Variants in JCAD observed in about 807,000 individuals in gnomAD.
JCAD encodes junctional cadherin 5 associated.
In JCAD, 40 loss-of-function variants were observed where a neutral mutation model predicts 98.0. The ratio of observed to expected loss-of-function variants is 0.41; its 90% CI spans 0.32 to 0.53. The LOEUF (loss-of-function observed/expected upper bound fraction) is 0.53. JCAD is among the 20% of genes least tolerant of loss of function. The pLI is 0.31. For synonymous variants in JCAD, 691 were observed against 682.3 expected (o/e 1.01, Z -0.20); for missense variants, 1,705 against 1,738.1 (o/e 0.98, Z 0.34).
At chr10:30,040,083 A>G (rs1234318187) in intron 2 of JCAD, among the ~76,000 whole-genome samples, 2 of 152,192 alleles carry the variant, frequency 1.3e-5, no homozygotes, top group Non-Finnish European at 2.9e-5. Flanking sequence ...GCACACAGGA[A>G]AGGGTGAAGA....
chr10:30,048,228 G>A (rs1384812388), intron 1 of JCAD, among the ~76,000 whole-genome samples: 5 of 151,772 alleles, frequency 3.3e-5, no homozygotes, highest in African/African-American at 7.3e-5. Flanking sequence ...GAAGGAGTGC[G>A]GACAAAAAAA....
chr10:30,093,974 T>C (rs540312168), intron 1 of JCAD, among the ~76,000 whole-genome samples: 3 of 152,352 alleles, frequency 2.0e-5, no homozygotes, highest in African/African-American at 4.8e-5. Context: ...GGGGCCTTCA[T>C]GGGATTCTGT....
At position 30,033,493 on chromosome 10, in the gene JCAD, G is replaced by A. The variant is rs561530946; in HGVS notation, c.282-3627C>T. Among the ~76,000 whole-genome samples the A allele has an allele frequency of 3.0e-4, 46 of 152,260 alleles. No homozygotes were observed. In the Middle Eastern group the frequency reaches 0.01, roughly 34 times the overall value. ...TATCCAATTTATAGTCCCTCCTGTC[G>A]TGCAGAGGAGAGCCGGTCTTGCTGA... On this transcript the variant is annotated intron_variant, in intron 2 of 3. Transcript: ENST00000375377.
intron 2 of JCAD, among the ~76,000 whole-genome samples, chr10:30,068,054 A>T (rs1837815282): frequency 6.6e-6 from 1 of 152,178 alleles, no homozygotes; most frequent in Non-Finnish European, 1.5e-5. Flanking sequence ...GGTTGGCTGA[A>T]GTATTATGCA....
intron 1 of JCAD, among the ~76,000 whole-genome samples, chr10:30,075,973 C>A (rs1837973890): frequency 6.6e-6 from 1 of 152,034 alleles, no homozygotes; most frequent in Admixed American, 6.6e-5. Context: ...TAGCCTGATG[C>A]TTCCTGAGGC....
intron 2 of JCAD, among the ~76,000 whole-genome samples, chr10:30,040,182 A>G (rs1837212319): frequency 6.6e-6 from 1 of 152,176 alleles, no homozygotes; most frequent in South Asian, 2.1e-4. Flanking sequence ...AATGCCAGGA[A>G]AGAGTGACGT....
chr10:30,030,478 G>C (rs189973783), intron 2 of JCAD, among the ~76,000 whole-genome samples: 1 of 152,152 alleles, frequency 6.6e-6, no homozygotes, highest in Non-Finnish European at 1.5e-5. Flanking sequence ...AGGGTTAACT[G>C]TTCAGTAGTA....
rs557618941 is a variant in JCAD at position 30,101,044 on chromosome 10, A to G, written n.128+14323T>C. ...AACGAGTTATGGAGATCAAGGTTTT[A>G]TCATGCAGAGGAAGCCTTCAGGTAG... On this transcript the variant is annotated intron_variant and non_coding_transcript_variant, in intron 1 of 2. Coordinates refer to the JCAD transcript ENST00000465712. Among the ~76,000 whole-genome samples the G allele has an allele frequency of 4.9e-3, 739 of 152,326 alleles. 9 individuals are homozygous for G. The highest frequency in any genetic ancestry group is 0.017 in the African/African-American group (712 of 41,582).
chr10:30,100,675 G>T (rs921206203), intron 1 of JCAD, among the ~76,000 whole-genome samples: 1 of 152,080 alleles, frequency 6.6e-6, no homozygotes, highest in East Asian at 1.9e-4. Flanking sequence ...TGAGCCACCC[G>T]ACCCTGGCCT....
chr10:30,027,437 C>T lies in JCAD; in HGVS notation c.2711G>A (p.Cys904Tyr). Reference sequence around the variant, plus strand: ...CTTACTCTCACCTCTTCCCGACCTACACACAGGGCTCTCCGGCACCCACAT... The same window carrying T: ...CTTACTCTCACCTCTTCCCGACCTATACACAGGGCTCTCCGGCACCCACAT... ...PRMWVPESPV[C>Y]RSGRGESKSE... is the part of the protein sequence containing the mutation. Residue 904 changes from cysteine to tyrosine, a missense_variant, in exon 3 of 4, where the codon TGT (cysteine) becomes TAT (tyrosine). Physicochemically the swap from Cys to Tyr is radical, Grantham distance 194. Around this residue, in one of 3 missense-constraint regions of JCAD, gnomAD observed 1,278 missense variants for 1,243.1 expected, o/e 1.03. Transcript: ENST00000375377. 4 of 1,604,712 alleles carry T rather than the reference C, an allele frequency of 2.5e-6. No individual in the cohort carries two copies. Among genetic ancestry groups the T allele is most frequent in the Non-Finnish European group, 3.4e-6 (4 of 1,179,998 alleles).
intron 2 of JCAD, among the ~76,000 whole-genome samples, chr10:30,039,784 G>A (rs1465509279): frequency 2.6e-5 from 4 of 152,084 alleles, no homozygotes; most frequent in African/African-American, 9.7e-5. Flanking sequence ...GAGGGGCGGC[G>A]TGGGTTTAAA....
intron 1 of JCAD, among the ~76,000 whole-genome samples, chr10:30,080,194 C>T (rs1838058348): frequency 1.3e-5 from 2 of 152,148 alleles, no homozygotes; most frequent in Non-Finnish European, 2.9e-5. Context: ...CTTAGAAGAA[C>T]TACCAAGTTT....
rs1244828404 is a variant in JCAD, at chr10:30,028,451, C to T, written c.1697G>A (p.Arg566Gln). Reference sequence around the variant, plus strand: ...TTTTTTCTTTGAACTTTTCTTGGTCCGAGTCCCAGTTTGGAACTTTTTGAG... The same window carrying T: ...TTTTTTCTTTGAACTTTTCTTGGTCTGAGTCCCAGTTTGGAACTTTTTGAG... ...TKLKKFQTGT[R>Q]TKKSSKKKMN... The change falls in exon 3 of 4, where the codon CGG (arginine) becomes CAG (glutamine). Residue 566 changes from arginine (R) to glutamine (Q), a missense_variant. By Grantham distance (43) the Arg-to-Gln change is conservative. Coordinates refer to ENST00000375377, the MANE Select transcript of JCAD (RefSeq NM_020848.4). 14 of 1,614,052 alleles carry T rather than the reference C, an allele frequency of 8.7e-6. No homozygotes were observed. The East Asian group carries it at 8.9e-5, about 10-fold the overall frequency.
intron 2 of JCAD, among the ~76,000 whole-genome samples, chr10:30,036,264 T>C (rs2132628719): frequency 6.6e-6 from 1 of 151,814 alleles, no homozygotes; most frequent in East Asian, 1.9e-4. Context: ...ACCAACACGG[T>C]GAATGAAACC....
intron 1 of JCAD, among the ~76,000 whole-genome samples, chr10:30,075,107 G>T (rs962697078): frequency 1.3e-5 from 2 of 152,144 alleles, no homozygotes; most frequent in African/African-American, 4.8e-5. Flanking sequence ...TTTTTGAAGG[G>T]TTTAATTATT....
At chr10:30,109,965 C>A (rs1216489804) in intron 1 of JCAD, among the ~76,000 whole-genome samples, 4 of 151,890 alleles carry the variant, frequency 2.6e-5, no homozygotes, top group African/African-American at 7.3e-5. Flanking sequence ...CATGTATGGA[C>A]CCCCTGATAT....
chr10:30,091,474 A>T (rs1434309696), intron 1 of JCAD, among the ~76,000 whole-genome samples: 1 of 152,150 alleles, frequency 6.6e-6, no homozygotes, highest in Non-Finnish European at 1.5e-5. Context: ...TATGTTGGCC[A>T]GACTGGTCTT....
intron 2 of JCAD, among the ~76,000 whole-genome samples, chr10:30,045,741 C>T (rs11007872): frequency 0.057 from 8,684 of 152,194 alleles, 668 homozygotes; most frequent in African/African-American, 0.18. Context: ...GAAAGAGAAA[C>T]AGCTTCCAGC....
At position 30,029,774 on chromosome 10, in the gene JCAD, C is replaced by T; in HGVS notation, c.374G>A (p.Ser125Asn). The T allele has an allele frequency of 6.2e-7, 1 of 1,614,270 alleles. No homozygotes were observed. ...YRRRGRQEAR[S>N]QKPREHENLE... ...GTTTTCGTGCTCCCTCGGCTTCTGG[C>T]TCCTGGCTTCTTGCCGTCCTCTTCT... Residue 125 changes from serine to asparagine, a missense_variant, in exon 3 of 4, where the codon AGC becomes AAC. Ser to Asn is a conservative substitution (Grantham distance 46). Coordinates refer to ENST00000375377, the MANE Select transcript of JCAD (RefSeq NM_020848.4).
Sources: gnomAD v4.1 joint callset for allele counts (sites outside exome capture counted in the v4.1 genomes callset) on GRCh38, gnomAD v4.1.1 for gene constraint, gnomAD v4.1.1 regional missense constraint, MANE v1.5 for transcripts, NCBI Gene and HGNC (gene_info 2026-07-23, HGNC 2026-07-21) for gene names.